Variants in SPAG6 observed in about 807,000 individuals in gnomAD.
SPAG6 encodes the protein sperm associated antigen 6, also known as sperm-associated antigen 6.
SPAG6 carries 49 observed loss-of-function variants against 58.5 expected under a neutral mutation model. The ratio of observed to expected loss-of-function variants is 0.84; its 90% confidence interval spans 0.67 to 1.06. SPAG6 has a LOEUF of 1.06. Among genes scored for constraint, SPAG6 ranks in the 50% least tolerant of loss-of-function variants. The probability of loss-of-function intolerance (pLI) is 0.00; values close to 1 mark genes in which losing one functional copy is unlikely to be tolerated. For missense variants in SPAG6, 560 were observed against 611.3 expected (o/e 0.92, Z 0.89); for synonymous variants, 233 against 225.6 (o/e 1.03, Z -0.29).
intron 4 of SPAG6, among the ~76,000 whole-genome samples, chr10:22,370,391 A>G (rs1833656398): frequency 1.3e-5 from 2 of 152,212 alleles, no homozygotes; most frequent in Admixed American, 1.3e-4. Flanking sequence ...TCCCTGTTAA[A>G]TGGAGAAATA....
At position 22,348,166 on chromosome 10, in the gene SPAG6, CTTTTA is replaced by C. The variant is rs531616493; in HGVS notation, c.121+2349_121+2353del. ...CCACCATGCCCAGCTAATTTTTGTA[CTTTTA>C]GTAGAGACGGGGTTCCAGCATGTTG... On this transcript the variant is annotated intron_variant, in intron 2 of 10. Coordinates refer to ENST00000376624, the MANE Select transcript of SPAG6 (RefSeq NM_012443.4). 5.3e-4 allele frequency among the ~76,000 whole-genome samples: 81 copies of C among 152,136 alleles called. 2 individuals are homozygous for C. The South Asian group carries it at 0.012, about 22-fold the overall frequency.
intron 9 of SPAG6, among the ~76,000 whole-genome samples, chr10:22,402,567 C>A (rs1233968360): frequency 6.6e-6 from 1 of 152,176 alleles, no homozygotes; most frequent in Non-Finnish European, 1.5e-5. Flanking sequence ...GTAGAAGTTT[C>A]ACATTGCTGA....
intron 4 of SPAG6, among the ~76,000 whole-genome samples, chr10:22,385,242 T>C (rs574915164): frequency 2.2e-4 from 34 of 152,272 alleles, no homozygotes; most frequent in South Asian, 1.0e-3. Context: ...AGAGAAACAG[T>C]GACCACCTGT....
intron 4 of SPAG6, among the ~76,000 whole-genome samples, chr10:22,382,681 A>G (rs1246907900): frequency 6.6e-6 from 1 of 152,162 alleles, no homozygotes; most frequent in Non-Finnish European, 1.5e-5. Flanking sequence ...GCCTTATTAA[A>G]GAAGACATAT....
chr10:22,373,701 A>ACATCTTTTG (rs1240331315), intron 4 of SPAG6, among the ~76,000 whole-genome samples: 7 of 152,190 alleles, frequency 4.6e-5, no homozygotes, highest in African/African-American at 1.7e-4. Flanking sequence ...GGTTCCAGTA[A>ACATCTTTTG]CATCTTTTGC....
chr10:22,402,365 C>G (rs534059169), intron 9 of SPAG6, among the ~76,000 whole-genome samples: 1 of 152,134 alleles, frequency 6.6e-6, no homozygotes, highest in Non-Finnish European at 1.5e-5. Flanking sequence ...ACTCTTCATA[C>G]ACTATGTTTC....
At chr10:22,405,757 C>G (rs2130628960) in intron 9 of SPAG6, among the ~76,000 whole-genome samples, 1 of 152,254 alleles carries the variant, frequency 6.6e-6, no homozygotes, top group Non-Finnish European at 1.5e-5. Flanking sequence ...GCTGTGAATC[C>G]ATCTGGTCTT....
In SPAG6 at chr10:22,391,750, T is replaced by C; in HGVS notation, c.1027T>C (p.Cys343Arg). The stretch of plus-strand genomic sequence containing the variant: ...GCAGGGTGTACCCCAGTTGTCAGTC[T>C]GCTTGTCAGAAGAACCGGAAGATCA... Reference protein sequence around the residue: ...ISKGVPQLSVCLSEEPEDHIK... With the variant: ...ISKGVPQLSVRLSEEPEDHIK... Residue 343 changes from cysteine to arginine, a missense_variant, in exon 8 of 11, where the codon TGC becomes CGC. Physicochemically the swap from Cys to Arg is radical, Grantham distance 180. Transcript: ENST00000376624. 2 of 1,613,490 alleles carry C rather than the reference T, an allele frequency of 1.2e-6. No individual in the cohort carries two copies. The highest frequency in any genetic ancestry group is 1.7e-6 in the Non-Finnish European group (2 of 1,179,646).
intron 4 of SPAG6, among the ~76,000 whole-genome samples, chr10:22,376,482 C>T (rs1479525204): frequency 6.6e-6 from 1 of 152,136 alleles, no homozygotes; most frequent in Non-Finnish European, 1.5e-5. Flanking sequence ...CATAAAATTA[C>T]TGTGTCTGTG....
chr10:22,403,142 T>A (rs1588558430), intron 9 of SPAG6, among the ~76,000 whole-genome samples: 1 of 152,250 alleles, frequency 6.6e-6, no homozygotes, highest in East Asian at 1.9e-4. Context: ...TTTAAATTTA[T>A]TATTATTATA....
intron 9 of SPAG6, among the ~76,000 whole-genome samples, chr10:22,405,867 A>AGAGT (rs1834540433): frequency 6.6e-6 from 1 of 152,112 alleles, no homozygotes. Context: ...TAGTGTTGGG[A>AGAGT]GAGTGTATGT....
intron 2 of SPAG6, among the ~76,000 whole-genome samples, chr10:22,358,053 A>G (rs1371720187): frequency 6.6e-6 from 1 of 152,056 alleles, no homozygotes; most frequent in East Asian, 1.9e-4. Flanking sequence ...ATACGTGTGC[A>G]TGTGTCTTTA....
intron 4 of SPAG6, among the ~76,000 whole-genome samples, chr10:22,371,269 T>A (rs74123020): frequency 3.9e-5 from 6 of 152,298 alleles, no homozygotes; most frequent in African/African-American, 1.4e-4. Flanking sequence ...TTTCTTTTTT[T>A]TTGAGATGGA....
intron 8 of SPAG6, among the ~76,000 whole-genome samples, chr10:22,400,002 A>G (rs1052505920): frequency 6.6e-6 from 1 of 152,158 alleles, no homozygotes; most frequent in Admixed American, 6.5e-5. Flanking sequence ...GTGTCAAGCA[A>G]TAAGAGGCTA....
rs1836510148 is a variant in SPAG6, at chr10:22,345,864, C to T, written c.121+46C>T. The T allele has an allele frequency of 6.3e-7, 1 of 1,587,586 alleles. No homozygotes were observed. The highest frequency in any genetic ancestry group is 8.6e-7 in the Non-Finnish European group (1 of 1,167,344). On this transcript the variant is annotated intron_variant, in intron 2 of 10. Coordinates refer to ENST00000376624, the MANE Select transcript of SPAG6 (RefSeq NM_012443.4). The surrounding 1 kb of genome is among the most constrained non-coding windows in gnomAD (Gnocchi z 6.3). ...CCCGTCGCCCCCCGCGCACTGAGTCCCCGACGCCTCCGCCCCGCTGCCCTG... is the reference window on the plus strand; with the variant it reads ...CCCGTCGCCCCCCGCGCACTGAGTCTCCGACGCCTCCGCCCCGCTGCCCTG...
intron 8 of SPAG6, among the ~76,000 whole-genome samples, chr10:22,399,232 T>A (rs1314263854): frequency 6.6e-6 from 1 of 152,228 alleles, no homozygotes; most frequent in Non-Finnish European, 1.5e-5. Context: ...TGTGCAACCA[T>A]CTTCACAATC....
intron 4 of SPAG6, among the ~76,000 whole-genome samples, chr10:22,375,365 A>G (rs1299155020): frequency 6.6e-6 from 1 of 152,228 alleles, no homozygotes; most frequent in Non-Finnish European, 1.5e-5. Context: ...TGGTTAGCAT[A>G]AGAATTGTAC....
At chr10:22,393,376 A>C (rs1419444901) in intron 8 of SPAG6, among the ~76,000 whole-genome samples, 1 of 152,188 alleles carries the variant, frequency 6.6e-6, no homozygotes, top group Non-Finnish European at 1.5e-5. Flanking sequence ...TTTCAGCTTG[A>C]GAAGCCCTTG....
chr10:22,389,103 T>G, intron 6 of SPAG6, 57 bp from the exon 7 acceptor site: 1 of 1,486,612 alleles, frequency 6.7e-7, no homozygotes, highest in South Asian at 1.2e-5. Flanking sequence ...AATATTAAAC[T>G]GTATTTAAAG....
Sources: gnomAD v4.1 joint callset for allele counts (sites outside exome capture counted in the v4.1 genomes callset) on GRCh38, gnomAD v4.1.1 for gene constraint, Gnocchi (gnomAD v3.1) non-coding constraint, MANE v1.5 for transcripts, NCBI Gene and HGNC (gene_info 2026-07-23, HGNC 2026-07-21) for gene names.